Variants in DDX47 observed in about 807,000 individuals in gnomAD.
DDX47 encodes the protein DEAD-box helicase 47.
Under a neutral mutation model 58.8 loss-of-function variants are expected in DDX47, and 60 were observed. That is an observed-to-expected ratio of 1.02 (90% CI 0.83 to 1.26). The LOEUF is 1.26. Among genes scored for constraint, DDX47 ranks in the 50% most tolerant of loss-of-function variants. The pLI, the probability that DDX47 is intolerant of heterozygous loss-of-function variation, is 0.00. For missense variants in DDX47, 530 were observed against 573.2 expected (o/e 0.92, Z 0.77); for synonymous variants, 197 against 204.6 (o/e 0.96, Z 0.32).
chr12:12,826,119 C>G, intron 10 of DDX47, 49 bp downstream of exon 10: 1 of 1,514,654 alleles, frequency 6.6e-7, no homozygotes. Context: ...AAGAGCAGAA[C>G]TTTCAAGCCA....
chr12:12,827,241 C>T lies in DDX47; in HGVS notation c.1107-5C>T. The T allele has an allele frequency of 6.2e-7, 1 of 1,612,868 alleles. No individual in the cohort carries two copies. Among genetic ancestry groups the T allele is most frequent in the Non-Finnish European group, 8.5e-7 (1 of 1,179,622 alleles). ...AACCAGAGCTGTGCAGTTTTCCTTC[C>T]TCAGGTATGATGTGGAACTCTTCCA... is the stretch of plus-strand genomic sequence containing the variant. On this transcript the variant is annotated splice_region_variant and splice_polypyrimidine_tract_variant and intron_variant, in intron 10 of 11. Coordinates refer to ENST00000358007, the MANE Select transcript of DDX47 (RefSeq NM_016355.4).
Position 12,827,477 on chromosome 12 carries a change from A to G in DDX47, c.1236+102A>G, listed in dbSNP as rs528293119. On this transcript the variant is annotated intron_variant, in intron 11 of 11. Coordinates refer to ENST00000358007, the MANE Select transcript of DDX47 (RefSeq NM_016355.4). The stretch of plus-strand genomic sequence containing the variant: ...TACTAAACTGCAGAAGCTGGGTATT[A>G]TTTTATTCCAAATTTAAGACGAGCA... 4.8e-5 allele frequency: 65 copies of G among 1,350,536 alleles called. No individual in the cohort carries two copies. The East Asian group carries it at 1.4e-3, about 30-fold the overall frequency. The allele number at this position is 1,350,536 out of a possible 1,614,324, so 83.7% of individuals were successfully genotyped here.
intron 2 of DDX47, among the ~76,000 whole-genome samples, chr12:12,819,899 T>C (rs996008698): frequency 6.6e-6 from 1 of 152,246 alleles, no homozygotes; most frequent in Admixed American, 6.5e-5. Flanking sequence ...TTACATCCAA[T>C]GTCCCAGTTA....
chr12:12,823,815 T>G, intron 7 of DDX47, 55 bp from the exon 8 acceptor site: 1 of 1,567,240 alleles, frequency 6.4e-7, no homozygotes, highest in Non-Finnish European at 8.7e-7. Flanking sequence ...ATGCCAGGTC[T>G]CCAATCCTGT....
At chr12:12,824,361 A>AT (rs1016639302) in intron 8 of DDX47, 179 bp from the exon 9 acceptor site, 3 of 615,192 alleles carry the variant, frequency 4.9e-6, no homozygotes, top group African/African-American at 3.8e-5. Context: ...TATCATATAT[A>AT]TTTTTTTAAT....
Position 12,821,420 on chromosome 12 carries a change from T to C in DDX47, c.370+24T>C, listed in dbSNP as rs779615251. On this transcript the variant is annotated intron_variant, in intron 3 of 11. Coordinates refer to ENST00000358007, the MANE Select transcript of DDX47 (RefSeq NM_016355.4). ...TGGTAAGTGTCTGAGAGGGAAGGGA[T>C]CCTAGGTTGCCATCACAAGTGAAGA... is the stretch of plus-strand genomic sequence containing the variant. 19 of 1,613,370 alleles carry C rather than the reference T, an allele frequency of 1.2e-5. No individual in the cohort carries two copies. The East Asian group carries it at 4.2e-4, about 36-fold the overall frequency.
At chr12:12,823,548 TCCCATC>T (rs1171018094) in intron 7 of DDX47, 1 of 558,134 alleles carries the variant, frequency 1.8e-6, no homozygotes, top group East Asian at 2.9e-5. Context: ...TATAATTCCT[TCCCATC>T]CCCATCCTTG....
chr12:12,824,566 GT>G lies in DDX47; in HGVS notation c.927del (p.Phe309LeufsTer10), dbSNP rs754375134. The G allele has an allele frequency of 6.2e-7, 1 of 1,613,514 alleles. No homozygotes were observed. The highest frequency in any genetic ancestry group is 1.7e-5 in the Admixed American group (1 of 59,824). On this transcript the variant is annotated frameshift_variant, in exon 9 of 12. Transcript: ENST00000358007. LOFTEE classifies it high-confidence loss of function. ...GTAAGCGCCTAGGATCCCTTAATAAGTTTAAGGCCAAGGCCCGTTCCATTCT... is the reference window on the plus strand; with the variant it reads ...GTAAGCGCCTAGGATCCCTTAATAAGTTAAGGCCAAGGCCCGTTCCATTCT... Reference protein sequence around the residue: ...QSKRLGSLNKFKAKARSILLA... With the variant: ...QSKRLGSLNKXKAKARSILLA...
rs749576831 is a variant in DDX47, at chr12:12,827,248, A to G, written c.1109A>G (p.Tyr370Cys). The change falls in exon 11 of 12, where the codon TAT (tyrosine) becomes TGT (cysteine). Residue 370 changes from tyrosine (Y) to cysteine (C), a missense_variant and splice_region_variant. Transcript: ENST00000358007. The stretch of plus-strand genomic sequence containing the variant: ...GCTGTGCAGTTTTCCTTCCTCAGGT[A>G]TGATGTGGAACTCTTCCAGCGCATA... ...SGKAITFVTQ[Y>C]DVELFQRIEH... 53 of 1,613,672 alleles carry G rather than the reference A, an allele frequency of 3.3e-5. No individual in the cohort carries two copies. The highest frequency in any genetic ancestry group is 4.4e-5 in the Non-Finnish European group (52 of 1,179,886).
chr12:12,829,480 G>C lies in DDX47; in HGVS notation c.1294G>C (p.Asp432His). 1 of 1,614,046 alleles carries C rather than the reference G, an allele frequency of 6.2e-7. No individual in the cohort carries two copies. The highest frequency in any genetic ancestry group is 8.5e-7 in the Non-Finnish European group (1 of 1,179,974). The change falls in exon 12 of 12, where the codon GAT (aspartate) becomes CAT (histidine). Residue 432 changes from aspartate to histidine, a missense_variant. Physicochemically the swap from Asp to His is moderately conservative, Grantham distance 81. Coordinates refer to ENST00000358007, the MANE Select transcript of DDX47 (RefSeq NM_016355.4). Reference sequence around the variant, plus strand: ...CTCGCGAGAGGATGCTGGAGATAATGATGACACAGAGGGTGCTATTGGTGT... The same window carrying C: ...CTCGCGAGAGGATGCTGGAGATAATCATGACACAGAGGGTGCTATTGGTGT... ...KRSREDAGDN[D>H]DTEGAIGVRN... is the part of the protein sequence containing the mutation.
intron 1 of DDX47, 34 bp downstream of exon 1, chr12:12,813,488 C>T (rs1359525309): frequency 1.1e-5 from 17 of 1,563,294 alleles, no homozygotes; most frequent in Non-Finnish European, 1.4e-5. Flanking sequence ...CTTTTATGTA[C>T]TCTGGTGCTA....
chr12:12,824,301 T>C (rs1863018117), intron 8 of DDX47: 2 of 562,976 alleles, frequency 3.6e-6, no homozygotes, highest in East Asian at 3.1e-5. Context: ...AAAACATTAA[T>C]AAATTATTTC....
Position 12,829,921 on chromosome 12 carries a change from T to G in DDX47, c.*367T>G, listed in dbSNP as rs1402369030. 6.2e-6 allele frequency: 1 copy of G among 160,754 alleles called. No individual in the cohort carries two copies. The highest frequency in any genetic ancestry group is 1.4e-5 in the Non-Finnish European group (1 of 73,858). The allele number at this position is 160,754 out of a possible 1,614,324, so 10.0% of individuals were successfully genotyped here. ...ATCTGCAAATGATATTTAAACCATCTTGGCTTGTGCTTTATTCAAACTAAT... is the reference window on the plus strand; with the variant it reads ...ATCTGCAAATGATATTTAAACCATCGTGGCTTGTGCTTTATTCAAACTAAT... On this transcript the variant is annotated 3_prime_UTR_variant, in exon 12 of 12. Coordinates refer to ENST00000358007, the MANE Select transcript of DDX47 (RefSeq NM_016355.4).
At chr12:12,828,280 TATG>T (rs1247446936) in intron 11 of DDX47, among the ~76,000 whole-genome samples, 2 of 152,126 alleles carry the variant, frequency 1.3e-5, no homozygotes, top group Non-Finnish European at 2.9e-5. Context: ...ATATTAAAAA[TATG>T]ATGTAAAATT....
chr12:12,828,939 T>G (rs1863092467), intron 11 of DDX47, among the ~76,000 whole-genome samples: 1 of 152,266 alleles, frequency 6.6e-6, no homozygotes, highest in Non-Finnish European at 1.5e-5. Flanking sequence ...ATGCTTACGC[T>G]TTTTTCCAGT....
Position 12,822,744 on chromosome 12 carries a change from T to A in DDX47, c.633+12T>A, listed in dbSNP as rs199670577. Reference sequence around the variant, plus strand: ...CCATGACCAAGAAGGTGAAATTTGCTAGGACTTTTGTTTCTTCTTTATGAG... The same window carrying A: ...CCATGACCAAGAAGGTGAAATTTGCAAGGACTTTTGTTTCTTCTTTATGAG... On this transcript the variant is annotated intron_variant, in intron 6 of 11. Transcript: ENST00000358007. 35 of 1,609,766 alleles carry A rather than the reference T, an allele frequency of 2.2e-5. No homozygotes were observed. The highest frequency in any genetic ancestry group is 2.9e-5 in the Non-Finnish European group (34 of 1,176,322).
At chr12:12,823,148 C>T in intron 6 of DDX47, 55 bp from the exon 7 acceptor site, 4 of 1,141,440 alleles carry the variant, frequency 3.5e-6, no homozygotes, top group Non-Finnish European at 2.7e-6. Flanking sequence ...CAAACCATGT[C>T]ATAAATAAAG....
chr12:12,816,916 T>G (rs1322507371), intron 2 of DDX47, among the ~76,000 whole-genome samples: 2 of 152,172 alleles, frequency 1.3e-5, no homozygotes, highest in Non-Finnish European at 2.9e-5. Context: ...AATCCTAAAA[T>G]TATTCTGATG....
At position 12,821,298 on chromosome 12, in the gene DDX47, A is replaced by T. The variant is rs1210397439; in HGVS notation, c.272A>T (p.Gln91Leu). The change falls in exon 3 of 12, where the codon CAG (glutamine) becomes CTG (leucine). Residue 91 changes from glutamine (Q) to leucine (L), a missense_variant. Transcript: ENST00000358007. ...CTAAACGCACTGCTGGAGACCCCGC[A>T]GCGTTTGTTTGCCCTAGTTCTTACC... is the stretch of plus-strand genomic sequence containing the variant. ...PILNALLETP[Q>L]RLFALVLTPT... The T allele has an allele frequency of 6.2e-7, 1 of 1,614,214 alleles. No homozygotes were observed. Among genetic ancestry groups the T allele is most frequent in the East Asian group, 2.2e-5 (1 of 44,882 alleles).
Sources: gnomAD v4.1 joint callset for allele counts (sites outside exome capture counted in the v4.1 genomes callset) on GRCh38, gnomAD v4.1.1 for gene constraint, MANE v1.5 for transcripts, NCBI Gene and HGNC (gene_info 2026-07-23, HGNC 2026-07-21) for gene names.